Variants in CUX1 observed in about 807,000 individuals in gnomAD.
CUX1 encodes protein CASP.
Under a neutral mutation model 158.8 loss-of-function variants are expected in CUX1, and 31 were observed. That is an observed-to-expected ratio of 0.20 (90% CI 0.15 to 0.26). The LOEUF (loss-of-function observed/expected upper bound fraction) is 0.26, where lower values mean the gene tolerates loss of function less well. CUX1 is among the 10% of genes least tolerant of loss of function. CUX1 has a pLI of 1.00. For synonymous variants in CUX1, 879 were observed against 862.1 expected, an observed-to-expected ratio of 1.02 and a Z score of -0.34; for missense variants, 1,589 against 2,014.6, an observed-to-expected ratio of 0.79 and a Z score of 4.04.
At chr7:102,202,764 C>A (rs1434344509) in intron 18 of CUX1, among the ~76,000 whole-genome samples, 1 of 152,136 alleles carries the variant, frequency 6.6e-6, no homozygotes, top group Non-Finnish European at 1.5e-5. Context: ...GCAACCTGCC[C>A]GGGGACACAC....
chr7:101,919,747 G>A (rs1355425654), intron 2 of CUX1, among the ~76,000 whole-genome samples: 1 of 152,246 alleles, frequency 6.6e-6, no homozygotes, highest in South Asian at 2.1e-4. Flanking sequence ...GTCTGCCATC[G>A]GAGATTTCAC....
rs1714685476 is a variant in CUX1, at chr7:102,255,984, G to A, written c.*6942G>A. 1 of 985,442 alleles carries A rather than the reference G, an allele frequency of 1.0e-6. No homozygotes were observed. The highest frequency in any genetic ancestry group is 1.2e-6 in the Non-Finnish European group (1 of 829,940). The allele number at this position is 985,442 out of a possible 1,614,324, so 61.0% of individuals were successfully genotyped here. A position where few individuals can be genotyped will look rare whatever the true frequency, so the allele number is the denominator to read the frequency against. On this transcript the variant is annotated 3_prime_UTR_variant, in exon 24 of 24. Coordinates refer to ENST00000292535, the MANE Select transcript of CUX1 (RefSeq NM_181552.4). ...GAACTCAAAGTAAGCTTTAGACCAGGACGATTCAGGTTATGAATGAGTTTG... is the reference window on the plus strand; with the variant it reads ...GAACTCAAAGTAAGCTTTAGACCAGAACGATTCAGGTTATGAATGAGTTTG...
In CUX1 at chr7:102,251,436, T is replaced by G. The variant is rs1287897610; in HGVS notation, c.*2394T>G. 1 of 985,266 alleles carries G rather than the reference T, an allele frequency of 1.0e-6. No homozygotes were observed. The highest frequency in any genetic ancestry group is 1.2e-6 in the Non-Finnish European group (1 of 829,940). The allele number at this position is 985,266 out of a possible 1,614,324, so 61.0% of individuals were successfully genotyped here. ...GCACTTAGTTCACGTTTTCACAAAT[T>G]TCAAGAGTCACTACACTAAAGACAA... On this transcript the variant is annotated 3_prime_UTR_variant, in exon 24 of 24. Coordinates refer to ENST00000292535, the MANE Select transcript of CUX1 (RefSeq NM_181552.4).
chr7:102,130,658 G>A (rs1833110608), intron 8 of CUX1, among the ~76,000 whole-genome samples: 1 of 152,072 alleles, frequency 6.6e-6, no homozygotes, highest in Non-Finnish European at 1.5e-5. Flanking sequence ...TCCAGCCTGG[G>A]CAACAGAGCA....
intron 3 of CUX1, among the ~76,000 whole-genome samples, chr7:102,030,721 G>A (rs1197574710): frequency 2.0e-5 from 1 of 48,918 alleles, no homozygotes; most frequent in Non-Finnish European, 5.0e-5. Context: ...GGTCTCGCTC[G>A]GTAACCCAGG....
At position 102,255,299 on chromosome 7, in the gene CUX1, A is replaced by G. The variant is rs1010775647; in HGVS notation, c.*6257A>G. 1 of 984,112 alleles carries G rather than the reference A, an allele frequency of 1.0e-6. No homozygotes were observed. Among genetic ancestry groups the G allele is most frequent in the South Asian group, 4.7e-5 (1 of 21,234 alleles). The allele number at this position is 984,112 out of a possible 1,614,324, so 61.0% of individuals were successfully genotyped here. A position where few individuals can be genotyped will look rare whatever the true frequency, so the allele number is the denominator to read the frequency against. ...AGTTTTCATTTTTGGATGAAGTGAC[A>G]TTTAGCTTTAACAAGACATTTCCAA... On this transcript the variant is annotated 3_prime_UTR_variant, in exon 24 of 24. Coordinates refer to ENST00000292535, the MANE Select transcript of CUX1 (RefSeq NM_181552.4).
intron 21 of CUX1, among the ~76,000 whole-genome samples, 186 bp from the exon 22 acceptor site, chr7:102,233,866 A>G (rs1233155262): frequency 6.6e-6 from 1 of 152,194 alleles, no homozygotes; most frequent in African/African-American, 2.4e-5. Context: ...TCCCTGGCCA[A>G]TGGAGAGTAT....
chr7:102,280,905 CCT>C (rs1554549098), intron 20 of CUX1: 1 of 1,574,168 alleles, frequency 6.4e-7, no homozygotes, highest in South Asian at 1.1e-5. Flanking sequence ...CAGGCCTGAG[CCT>C]CTGTCTCCAG....
chr7:101,855,857 G>A (rs746895069), intron 1 of CUX1, among the ~76,000 whole-genome samples: 1 of 133,870 alleles, frequency 7.5e-6, no homozygotes, highest in Non-Finnish European at 1.6e-5. Flanking sequence ...CAGCCTGGGC[G>A]GTAGAAGGAG....
At chr7:102,037,571 C>T (rs1339547445) in intron 3 of CUX1, among the ~76,000 whole-genome samples, 1 of 151,538 alleles carries the variant, frequency 6.6e-6, no homozygotes, top group African/African-American at 2.4e-5. Flanking sequence ...AGGCTGGTCT[C>T]GAACTCCCAA....
intron 8 of CUX1, among the ~76,000 whole-genome samples, chr7:102,150,160 G>C (rs1254127503): frequency 6.6e-6 from 1 of 151,834 alleles, no homozygotes; most frequent in South Asian, 2.1e-4. Context: ...TTGTTTTTTT[G>C]TTTTGTTTTG....
intron 2 of CUX1, among the ~76,000 whole-genome samples, chr7:101,997,624 A>G (rs1311399749): frequency 1.3e-5 from 2 of 152,120 alleles, no homozygotes; most frequent in African/African-American, 4.8e-5. Context: ...GATTATAGGC[A>G]TGAGCCACCA....
chr7:101,875,838 T>C (rs547307920), intron 1 of CUX1, among the ~76,000 whole-genome samples: 48 of 152,274 alleles, frequency 3.2e-4, no homozygotes, highest in African/African-American at 1.1e-3. Flanking sequence ...TCTTTTTTTT[T>C]TTCCCAAAAT....
Position 102,252,872 on chromosome 7 carries a change from T to C in CUX1, c.*3830T>C, listed in dbSNP as rs1419536166. On this transcript the variant is annotated 3_prime_UTR_variant, in exon 24 of 24. Transcript: ENST00000292535. The stretch of plus-strand genomic sequence containing the variant: ...AGCTCAATTGGATTCTTCTAGACGA[T>C]CTTAGGAGGCATCTTGGCATGAGGC... 1.0e-6 allele frequency: 1 copy of C among 985,324 alleles called. No individual in the cohort carries two copies. Among genetic ancestry groups the C allele is most frequent in the African/African-American group, 1.7e-5 (1 of 57,230 alleles). 61.0% of individuals were successfully genotyped at this position (985,324 alleles called of 1,614,324 possible). A position where few individuals can be genotyped will look rare whatever the true frequency, so the allele number is the denominator to read the frequency against.
At chr7:102,124,487 A>G (rs2131232069) in intron 8 of CUX1, among the ~76,000 whole-genome samples, 1 of 136,240 alleles carries the variant, frequency 7.3e-6, no homozygotes, top group South Asian at 2.4e-4. Flanking sequence ...TCCACAGTGG[A>G]ATATGATGGA....
intron 3 of CUX1, among the ~76,000 whole-genome samples, chr7:102,052,729 G>A (rs1348426355): frequency 3.3e-5 from 5 of 152,144 alleles, no homozygotes; most frequent in Non-Finnish European, 4.4e-5. Flanking sequence ...GTTTTCCAAG[G>A]TGGCTGTGTA....
chr7:102,117,423 C>G (rs1460019837), intron 8 of CUX1, among the ~76,000 whole-genome samples: 15 of 64,446 alleles, frequency 2.3e-4, no homozygotes, highest in African/African-American at 1.2e-3. Context: ...AAAAAAAGGT[C>G]AATATTGGGC....
chr7:102,087,150 A>G (rs1301702200), intron 4 of CUX1, among the ~76,000 whole-genome samples: 2 of 152,180 alleles, frequency 1.3e-5, no homozygotes, highest in African/African-American at 2.4e-5. Context: ...ATTGAAGTCT[A>G]CCATCTTACT....
chr7:102,044,892 G>A (rs1180194583), intron 3 of CUX1, among the ~76,000 whole-genome samples: 2 of 152,142 alleles, frequency 1.3e-5, no homozygotes, highest in Non-Finnish European at 2.9e-5. Context: ...GATACAGGGA[G>A]GCTTCCCAGG....
Sources: gnomAD v4.1 joint callset for allele counts (sites outside exome capture counted in the v4.1 genomes callset) on GRCh38, gnomAD v4.1.1 for gene constraint, MANE v1.5 for transcripts, NCBI Gene and HGNC (gene_info 2026-07-23, HGNC 2026-07-21) for gene names.